Variants in PACRGL observed in about 807,000 individuals in gnomAD.
The protein encoded by PACRGL is PACRG-like protein.
In PACRGL, 38 loss-of-function variants were observed where a neutral mutation model predicts 34.5. That is an observed-to-expected ratio of 1.10 (90% confidence interval 0.85 to 1.44). PACRGL has a LOEUF of 1.44. PACRGL is among the 40% of genes most tolerant of loss of function. The pLI, the probability that PACRGL is intolerant of heterozygous loss-of-function variation, is 0.00. For missense variants in PACRGL, 305 were observed against 281.4 expected (o/e 1.08, Z -0.60); for synonymous variants, 128 against 100.1 (o/e 1.28, Z -1.66).
At chr4:20,714,268 CTT>C (rs1202097811) in intron 7 of PACRGL, among the ~76,000 whole-genome samples, 1 of 152,022 alleles carries the variant, frequency 6.6e-6, no homozygotes, top group Non-Finnish European at 1.5e-5. Flanking sequence ...TTCTTTGTCT[CTT>C]TTGATCTTTG....
At chr4:20,725,383 A>G (rs1257232895) in intron 8 of PACRGL, among the ~76,000 whole-genome samples, 3 of 151,028 alleles carry the variant, frequency 2.0e-5, no homozygotes, top group Non-Finnish European at 4.4e-5. Context: ...ACACGGACAC[A>G]TATGCACACA....
chr4:20,755,804 G>C (rs1342722474), downstream of PACRGL, among the ~76,000 whole-genome samples: 2 of 152,234 alleles, frequency 1.3e-5, no homozygotes, highest in East Asian at 3.9e-4. Context: ...TCAGGCAGAG[G>C]GAACAGCAGG....
chr4:20,712,245 CCTTTTT>C (rs1458439950), intron 5 of PACRGL, among the ~76,000 whole-genome samples: 1 of 148,768 alleles, frequency 6.7e-6, no homozygotes, highest in Non-Finnish European at 1.5e-5. Flanking sequence ...CTTTTCTTTT[CCTTTTT>C]CTTATTTTTT....
chr4:20,699,223 ATT>A (rs36062451), upstream of PACRGL, among the ~76,000 whole-genome samples: 2 of 150,612 alleles, frequency 1.3e-5, no homozygotes, highest in Non-Finnish European at 3.0e-5. Context: ...AGGATATAAG[ATT>A]TTTTTTTTTA....
chr4:20,721,355 C>T (rs767706993), intron 7 of PACRGL, among the ~76,000 whole-genome samples: 3 of 152,136 alleles, frequency 2.0e-5, no homozygotes, highest in Non-Finnish European at 2.9e-5. Flanking sequence ...CAGCTTAGTT[C>T]CGTTTCTGGT....
intron 7 of PACRGL, among the ~76,000 whole-genome samples, chr4:20,716,865 G>C (rs1440523107): frequency 6.6e-6 from 1 of 152,118 alleles, no homozygotes; most frequent in South Asian, 2.1e-4. Flanking sequence ...GGGATGGCTG[G>C]GTCAAATGGT....
intron 8 of PACRGL, among the ~76,000 whole-genome samples, chr4:20,750,660 G>A (rs1156961323): frequency 1.3e-5 from 2 of 151,416 alleles, no homozygotes; most frequent in Non-Finnish European, 2.9e-5. Context: ...TTTCCTTATT[G>A]TTTTCTGTTC....
chr4:20,705,438 G>T (rs56292477), intron 3 of PACRGL, among the ~76,000 whole-genome samples: 7,347 of 152,256 alleles, frequency 0.048, 245 homozygotes, highest in Non-Finnish European at 0.075. Context: ...GTGGTGGTAG[G>T]TAGGGGTATG....
Position 20,712,778 on chromosome 4 carries a change from T to G in PACRGL, c.367-10T>G, listed in dbSNP as rs771281354. On this transcript the variant is annotated splice_polypyrimidine_tract_variant and intron_variant, in intron 5 of 8. Coordinates refer to ENST00000503585, the MANE Select transcript of PACRGL (RefSeq NM_001258345.3). The stretch of plus-strand genomic sequence containing the variant: ...GGTAGTAAATCATGTTTCCTCTTGG[T>G]CTTTGTCAGGGTCTGAGAGAGACTA... 1.9e-5 allele frequency: 28 copies of G among 1,475,308 alleles called. No homozygotes were observed. The Admixed American group carries it at 5.9e-4, about 31-fold the overall frequency. The allele number at this position is 1,475,308 out of a possible 1,614,324, so 91.4% of individuals were successfully genotyped here.
chr4:20,761,935 C>T, the PACRGL span, among the ~76,000 whole-genome samples: 3 of 152,102 alleles, frequency 2.0e-5, no homozygotes, highest in Non-Finnish European at 4.4e-5. Context: ...GCCTATTATT[C>T]CAGGAGTCTT....
chr4:20,709,719 G>A lies in PACRGL; in HGVS notation c.312G>A (p.Trp104Ter). 1 of 1,610,048 alleles carries A rather than the reference G, an allele frequency of 6.2e-7. No individual in the cohort carries two copies. Among genetic ancestry groups the A allele is most frequent in the Non-Finnish European group, 8.5e-7 (1 of 1,177,078 alleles). ...GTTCAGTAAAACACAGATTACAGTG[G>A]GAATGTCCTCCTGAAAGTCTTTCAT... ...VHGSVKHRLQ[W>*]ECPPESLSFD... The change falls in exon 5 of 9, where the codon TGG becomes TGA. Residue 104 changes from tryptophan to a stop codon, truncating the protein, a stop_gained. Transcript: ENST00000503585. LOFTEE classifies it high-confidence loss of function.
At position 20,748,594 on chromosome 4, in the gene PACRGL, ATATATATATATTC is replaced by A. The variant is rs1373698542; in HGVS notation, c.*57-3970_*57-3958del. On this transcript the variant is annotated intron_variant, in intron 8 of 8. Transcript: ENST00000507634. ...TATATATATATATATATATATATAT[ATATATATATATTC>A]CATAAGTAAATATAAATGTATATAT... Among the ~76,000 whole-genome samples the A allele has an allele frequency of 7.6e-3, 832 of 109,978 alleles. 9 individuals carry two copies. Among genetic ancestry groups the A allele is most frequent in the Non-Finnish European group, 0.011 (555 of 50,188 alleles). The allele number at this position is 109,978 out of a possible 152,430, so 72.1% of individuals were successfully genotyped here.
At chr4:20,701,899 T>G (rs2149028675) in intron 1 of PACRGL, 1 of 456,248 alleles carries the variant, frequency 2.2e-6, no homozygotes, top group Middle Eastern at 3.7e-4. Flanking sequence ...AGGATAAAAA[T>G]TTTAAGTGAA....
upstream of PACRGL, among the ~76,000 whole-genome samples, chr4:20,698,310 C>T (rs935751783): frequency 6.6e-6 from 1 of 152,058 alleles, no homozygotes; most frequent in African/African-American, 2.4e-5. Context: ...CCTTTTTTCC[C>T]TCATCCCATT....
rs765849337 is a variant in PACRGL, at chr4:20,727,333, T to C, written c.739T>C (p.Cys247Arg). 1 of 1,612,298 alleles carries C rather than the reference T, an allele frequency of 6.2e-7. No homozygotes were observed. The highest frequency in any genetic ancestry group is 1.3e-5 in the African/African-American group (1 of 74,880). ...KSKIPTYCSI[C>R]C ...TAAAATTCCAACATACTGCTCCATA[T>C]GCTGTTGAAGAAGGGAGCCAACAAA... The change falls in exon 9 of 9, where the codon TGC becomes CGC. Residue 247 changes from cysteine to arginine, a missense_variant. By Grantham distance (180) the Cys-to-Arg change is radical. Coordinates refer to ENST00000503585, the MANE Select transcript of PACRGL (RefSeq NM_001258345.3).
rs539768887 is a variant in PACRGL, at chr4:20,711,161, G to GT, written c.366+1399dup. Among the ~76,000 whole-genome samples the GT allele has an allele frequency of 6.0e-3, 876 of 146,608 alleles. 8 individuals carry two copies. Among genetic ancestry groups the GT allele is most frequent in the African/African-American group, 0.019 (747 of 40,292 alleles). On this transcript the variant is annotated intron_variant, in intron 5 of 8. Coordinates refer to ENST00000503585, the MANE Select transcript of PACRGL (RefSeq NM_001258345.3). Reference sequence around the variant, plus strand: ...CCTTTTAAACCAGGTAGCAAACCATGTTTTTTTTTTTAGACTAGTCAAAAC... The same window carrying GT: ...CCTTTTAAACCAGGTAGCAAACCATGTTTTTTTTTTTTAGACTAGTCAAAAC...
At chr4:20,723,108 G>T (rs7688592) in intron 7 of PACRGL, among the ~76,000 whole-genome samples, 3 of 151,930 alleles carry the variant, frequency 2.0e-5, no homozygotes, top group South Asian at 2.1e-4. Flanking sequence ...ATGAAATTCC[G>T]TGAGGTTTCA....
chr4:20,759,750 AT>A, the PACRGL span, among the ~76,000 whole-genome samples: 1 of 152,148 alleles, frequency 6.6e-6, no homozygotes, highest in African/African-American at 2.4e-5. Flanking sequence ...AAATTCCTCC[AT>A]TTTTTGGAGT....
chr4:20,737,054 G>A (rs546514847), downstream of PACRGL, among the ~76,000 whole-genome samples: 51 of 152,214 alleles, frequency 3.4e-4, no homozygotes, highest in African/African-American at 1.1e-3. Context: ...CAATAGCTAT[G>A]GAAAGAATAA....
Sources: allele counts gnomAD v4.1 joint callset (sites outside exome capture counted in the v4.1 genomes callset), GRCh38; gene constraint gnomAD v4.1.1; transcripts MANE v1.5; gene names NCBI Gene and HGNC (gene_info 2026-07-23, HGNC 2026-07-21).